Variants in DOP1B observed in about 807,000 individuals in gnomAD.
The protein encoded by DOP1B is protein DOP1B.
A neutral mutation model predicts 233.5 loss-of-function variants in DOP1B; 174 were observed. That is an observed-to-expected ratio of 0.75 (90% CI 0.66 to 0.85). The LOEUF (loss-of-function observed/expected upper bound fraction) is 0.85, where lower values mean the gene tolerates loss of function less well. Among genes scored for constraint, DOP1B ranks in the 40% least tolerant of loss-of-function variants. The probability of loss-of-function intolerance (pLI) is 0.00; values close to 1 mark genes in which losing one functional copy is unlikely to be tolerated. For missense variants in DOP1B, 2,652 were observed against 2,846.6 expected (o/e 0.93, Z 1.56); for synonymous variants, 1,190 against 1,185.6 (o/e 1.00, Z -0.08).
chr21:36,192,872 G>A (rs1475112241), intron 2 of DOP1B, among the ~76,000 whole-genome samples: 1 of 151,476 alleles, frequency 6.6e-6, no homozygotes, highest in Non-Finnish European at 1.5e-5. Context: ...TATTTTTTTA[G>A]TGGAGATGGG....
chr21:36,232,454 G>T (rs554946350), intron 14 of DOP1B, among the ~76,000 whole-genome samples: 60 of 152,254 alleles, frequency 3.9e-4, no homozygotes, highest in African/African-American at 1.4e-3. Context: ...TTCTGGTGCT[G>T]GCCGGCAACC....
In DOP1B at chr21:36,237,315, C is replaced by T. The variant is rs1463743009; in HGVS notation, c.2676C>T (p.His892=). ...NQLNKETREH[H]VTCVELFYRL... ...TGAACAAAGAGACCCGGGAGCATCA[C>T]GTCACCTGCGTAGAATTGTTCTACC... The change falls in exon 16 of 37, where the codon CAC becomes CAT. Residue 892 remains histidine (H), a synonymous_variant. Coordinates refer to ENST00000691173, the MANE Select transcript of DOP1B (RefSeq NM_001320714.2). 10 of 1,614,048 alleles carry T rather than the reference C, an allele frequency of 6.2e-6. No individual in the cohort carries two copies. The highest frequency in any genetic ancestry group is 1.3e-5 in the African/African-American group (1 of 74,914).
At chr21:36,270,855 G>A (rs1222866145) in intron 27 of DOP1B, among the ~76,000 whole-genome samples, 1 of 150,592 alleles carries the variant, frequency 6.6e-6, no homozygotes, top group Non-Finnish European at 1.5e-5. Flanking sequence ...GGAGGTTGCA[G>A]TGAGCCAAGA....
intron 24 of DOP1B, chr21:36,260,982 T>A (rs1482034528): frequency 8.1e-7 from 1 of 1,230,762 alleles, no homozygotes; most frequent in East Asian, 3.5e-5. Flanking sequence ...TGAGGCCTGT[T>A]AAACTTTAAA....
At chr21:36,214,346 T>C in intron 8 of DOP1B, 96 bp from the exon 9 acceptor site, 2 of 1,380,830 alleles carry the variant, frequency 1.4e-6, no homozygotes, top group East Asian at 4.8e-5. Context: ...CTGGTTTTCC[T>C]TCTGTCCCAG....
At chr21:36,261,574 A>G (rs892354783) in intron 24 of DOP1B, 16 of 985,234 alleles carry the variant, frequency 1.6e-5, no homozygotes, top group Non-Finnish European at 1.9e-5. Context: ...CAGATCTTAC[A>G]ATGGCTGCAT....
chr21:36,260,972 T>G (rs1016417569), intron 24 of DOP1B: 25 of 1,255,888 alleles, frequency 2.0e-5, no homozygotes, highest in Non-Finnish European at 2.4e-5. Flanking sequence ...AAGCTTTATG[T>G]GAGGCCTGTT....
At chr21:36,178,958 G>A (rs1352218933) in intron 2 of DOP1B, among the ~76,000 whole-genome samples, 12 of 152,170 alleles carry the variant, frequency 7.9e-5, no homozygotes, top group South Asian at 2.1e-4. Context: ...TCCTTTTGTC[G>A]TCTCCCTCCC....
At chr21:36,197,870 A>ATGTGG (rs970845851) in intron 2 of DOP1B, among the ~76,000 whole-genome samples, 17 of 151,818 alleles carry the variant, frequency 1.1e-4, no homozygotes, top group African/African-American at 3.9e-4. Flanking sequence ...AATTAGCTGG[A>ATGTGG]TGTGGTGGCG....
chr21:36,193,957 A>G (rs1010389031), intron 2 of DOP1B, among the ~76,000 whole-genome samples: 2 of 152,168 alleles, frequency 1.3e-5, no homozygotes, highest in Non-Finnish European at 2.9e-5. Context: ...TTCTTTATAC[A>G]TGGTAACTCT....
intron 11 of DOP1B, among the ~76,000 whole-genome samples, chr21:36,225,143 C>T (rs2066667589): frequency 6.6e-6 from 1 of 152,130 alleles, no homozygotes; most frequent in South Asian, 2.1e-4. Flanking sequence ...ATGAGAACTA[C>T]AAAAGCTGCC....
intron 1 of DOP1B, among the ~76,000 whole-genome samples, chr21:36,164,270 C>T (rs1344920536): frequency 6.6e-6 from 1 of 152,150 alleles, no homozygotes; most frequent in Non-Finnish European, 1.5e-5. Context: ...CTGCAGTGAC[C>T]CGTGATCGTG....
Position 36,245,340 on chromosome 21 carries a change from G to C in DOP1B, c.3360G>C (p.Thr1120=), listed in dbSNP as rs142348387. ...CTGCAGATACAAGCTCCTGCCACAC[G>C]GACAGCGAGAACACGTCCTCCTTCT... ...TESADTSSCH[T]DSENTSSFSS... The change falls in exon 19 of 37, where the codon ACG becomes ACC. Residue 1120 remains threonine (T), a synonymous_variant. Coordinates refer to ENST00000691173, the MANE Select transcript of DOP1B (RefSeq NM_001320714.2). This position sits in a 1 kb window ranked among gnomAD's most constrained non-coding sequence, Gnocchi z 5.5. 2 of 1,613,944 alleles carry C rather than the reference G, an allele frequency of 1.2e-6. No homozygotes were observed. The highest frequency in any genetic ancestry group is 1.3e-5 in the African/African-American group (1 of 74,930).
At position 36,170,105 on chromosome 21, in the gene DOP1B, G is replaced by A. The variant is rs149409911; in HGVS notation, c.138+5234G>A. ...TTAGGGAAGCTCTTCACCTTCCCACGTTGCCTATTTCTTCACTCCTATGGC... is the reference window on the plus strand; with the variant it reads ...TTAGGGAAGCTCTTCACCTTCCCACATTGCCTATTTCTTCACTCCTATGGC... On this transcript the variant is annotated intron_variant, in intron 2 of 36. Coordinates refer to ENST00000691173, the MANE Select transcript of DOP1B (RefSeq NM_001320714.2). 3,629 of 617,470 alleles carry A rather than the reference G, an allele frequency of 5.9e-3. 42 individuals carry two copies. The highest frequency in any genetic ancestry group is 6.0e-3 in the Non-Finnish European group (1,999 of 331,376). 38.2% of individuals were successfully genotyped at this position (617,470 alleles called of 1,614,324 possible). A position where few individuals can be genotyped will look rare whatever the true frequency, so the allele number is the denominator to read the frequency against.
intron 4 of DOP1B, among the ~76,000 whole-genome samples, chr21:36,208,427 AT>A (rs1356046499): frequency 3.3e-5 from 5 of 151,954 alleles, no homozygotes; most frequent in Admixed American, 2.6e-4. Context: ...CAGGGTGGAG[AT>A]GGGTCTCTGC....
chr21:36,251,148 T>C lies in DOP1B; in HGVS notation c.4999-14T>C, dbSNP rs200521194. 1.6e-4 allele frequency: 251 copies of C among 1,598,454 alleles called. No individual in the cohort carries two copies. The East Asian group carries it at 3.7e-3, about 23-fold the overall frequency. Reference sequence around the variant, plus strand: ...ATATTACTCTGCAGTAACTTTTTTTTCCCTATTTTCTAGACCATAAGACAA... The same window carrying C: ...ATATTACTCTGCAGTAACTTTTTTTCCCCTATTTTCTAGACCATAAGACAA... On this transcript the variant is annotated splice_polypyrimidine_tract_variant and intron_variant, in intron 21 of 36. Transcript: ENST00000691173.
intron 4 of DOP1B, among the ~76,000 whole-genome samples, chr21:36,203,364 T>G (rs544521973): frequency 6.6e-6 from 1 of 152,204 alleles, no homozygotes; most frequent in South Asian, 2.1e-4. Context: ...ATTTTTTGGT[T>G]GCTATATCCA....
At chr21:36,169,613 A>G (rs2065951910) in intron 2 of DOP1B, 10 of 959,738 alleles carry the variant, frequency 1.0e-5, no homozygotes, top group South Asian at 2.6e-5. Context: ...CTTCTCAGCC[A>G]TGGTGCCTCC....
chr21:36,247,460 C>T (rs12626545), intron 19 of DOP1B, 57 bp from the exon 20 acceptor site: 6 of 1,284,048 alleles, frequency 4.7e-6, no homozygotes, highest in Admixed American at 4.8e-5. Flanking sequence ...GATTAGAAAC[C>T]CTTATGGCCT....
Sources: gnomAD v4.1 joint callset for allele counts (sites outside exome capture counted in the v4.1 genomes callset) on GRCh38, gnomAD v4.1.1 for gene constraint, Gnocchi (gnomAD v3.1) non-coding constraint, MANE v1.5 for transcripts, NCBI Gene and HGNC (gene_info 2026-07-23, HGNC 2026-07-21) for gene names.